Variants in AGK observed in about 807,000 individuals in gnomAD.
The protein encoded by AGK is acylglycerol kinase, mitochondrial.
In AGK, 52 loss-of-function variants were observed where a neutral mutation model predicts 66.4. The observed-to-expected ratio is 0.78, with a 90% CI of 0.63 to 0.99. AGK has a LOEUF of 0.99. Among genes scored for constraint, AGK ranks in the 50% least tolerant of loss-of-function variants. AGK has a pLI of 0.00. For synonymous variants in AGK, 182 were observed against 181.1 expected (o/e 1.00, Z -0.04); for missense variants, 451 against 506.6 (o/e 0.89, Z 1.05).
At chr7:141,623,107 C>T (rs1379238977) in intron 9 of AGK, among the ~76,000 whole-genome samples, 2 of 152,062 alleles carry the variant, frequency 1.3e-5, no homozygotes, top group Admixed American at 1.3e-4. Context: ...TGGCCTGGTG[C>T]AGTGGCTCAT....
intron 2 of AGK, among the ~76,000 whole-genome samples, chr7:141,591,493 T>C (rs1322028618): frequency 1.3e-5 from 2 of 152,162 alleles, no homozygotes; most frequent in Non-Finnish European, 2.9e-5. Context: ...GGGGTTGTTT[T>C]GCAGCCTGGC....
intron 2 of AGK, among the ~76,000 whole-genome samples, chr7:141,578,360 C>T (rs1308687319): frequency 6.6e-6 from 1 of 151,816 alleles, no homozygotes; most frequent in African/African-American, 2.4e-5. Context: ...TCAGTTAAGG[C>T]AGGGACCGGC....
intron 11 of AGK, among the ~76,000 whole-genome samples, chr7:141,640,842 C>CTG (rs1797271828): frequency 6.6e-6 from 1 of 152,090 alleles, no homozygotes; most frequent in Admixed American, 6.5e-5. Context: ...CCATTCTGGC[C>CTG]TGTGTGTGGA....
rs773841423 is a variant in AGK at position 141,553,576 on chromosome 7, C to T, written c.-14-1877C>T. On this transcript the variant is annotated intron_variant, in intron 1 of 15. Coordinates refer to ENST00000649286, the MANE Select transcript of AGK (RefSeq NM_018238.4). ...TGACAGTTGTGAGCACTTGAGAGAA[C>T]GCATGAGACCCATTCTTCTCTGCCC... 1.4e-4 allele frequency among the ~76,000 whole-genome samples: 22 copies of T among 152,246 alleles called. 1 individual carries two copies. Among genetic ancestry groups the T allele is most frequent in the Middle Eastern group, 3.4e-3 (1 of 294 alleles).
chr7:141,635,258 G>A (rs1797145867), intron 10 of AGK, among the ~76,000 whole-genome samples: 1 of 152,136 alleles, frequency 6.6e-6, no homozygotes, highest in Admixed American at 6.5e-5. Context: ...CCCTTCCACA[G>A]AGTTGCTGTT....
intron 1 of AGK, among the ~76,000 whole-genome samples, chr7:141,552,859 A>C (rs1042093856): frequency 2.6e-5 from 4 of 152,148 alleles, no homozygotes; most frequent in African/African-American, 7.2e-5. Context: ...GGCCTTGCTA[A>C]ATTCTCCCCA....
intron 9 of AGK, among the ~76,000 whole-genome samples, chr7:141,624,750 C>A (rs1045033292): frequency 2.0e-5 from 3 of 152,136 alleles, no homozygotes; most frequent in Non-Finnish European, 2.9e-5. Flanking sequence ...ATGCCGTGAA[C>A]CATGTTGAAA....
At chr7:141,647,502 G>A (rs1433563846) in intron 13 of AGK, among the ~76,000 whole-genome samples, 1 of 152,130 alleles carries the variant, frequency 6.6e-6, no homozygotes, top group East Asian at 1.9e-4. Flanking sequence ...AGTTCCCCTT[G>A]TGTGGATTGC....
At chr7:141,601,654 C>A (rs1175349410) in intron 5 of AGK, among the ~76,000 whole-genome samples, 1 of 152,106 alleles carries the variant, frequency 6.6e-6, no homozygotes. Context: ...CATTTTCTCT[C>A]TGGTAAGGAA....
chr7:141,636,986 T>C lies in AGK; in HGVS notation c.695T>C (p.Ile232Thr), dbSNP rs1797187651. 4 of 1,612,828 alleles carry C rather than the reference T, an allele frequency of 2.5e-6. No individual in the cohort carries two copies. The highest frequency in any genetic ancestry group is 2.5e-6 in the Non-Finnish European group (3 of 1,179,324). ...TACTGGTATCTTGGGCCTCTAAAAA[T>C]CAAAGCAGCCCACTTTTTCAGCACT... ...SKYWYLGPLKIKAAHFFSTLK... is the reference protein window; with the variant it reads ...SKYWYLGPLKTKAAHFFSTLK... Residue 232 changes from isoleucine (I) to threonine (T), a missense_variant, in exon 11 of 16, where the codon ATC (isoleucine) becomes ACC (threonine). By Grantham distance (89) the Ile-to-Thr change is moderately conservative. Transcript: ENST00000649286.
intron 11 of AGK, among the ~76,000 whole-genome samples, chr7:141,637,950 G>A (rs1192327617): frequency 6.6e-6 from 1 of 152,100 alleles, no homozygotes; most frequent in Non-Finnish European, 1.5e-5. Context: ...TATATACCAA[G>A]GGCAAACTGG....
intron 5 of AGK, among the ~76,000 whole-genome samples, chr7:141,602,709 T>C (rs1307642317): frequency 1.3e-5 from 2 of 152,180 alleles, no homozygotes; most frequent in African/African-American, 4.8e-5. Context: ...CATTCTACTT[T>C]TTAAAAAAAT....
intron 2 of AGK, among the ~76,000 whole-genome samples, chr7:141,585,278 T>G (rs1417902371): frequency 6.6e-6 from 1 of 152,122 alleles, no homozygotes; most frequent in Admixed American, 6.5e-5. Flanking sequence ...CATTATCTGT[T>G]TGGGTAGGGA....
intron 8 of AGK, among the ~76,000 whole-genome samples, chr7:141,616,797 A>C (rs1260311774): frequency 5.1e-5 from 7 of 136,882 alleles, no homozygotes; most frequent in Admixed American, 8.1e-5. Flanking sequence ...CTCGCTCTGT[A>C]GCCCAGGCTG....
chr7:141,625,256 C>G (rs1796911535), intron 9 of AGK, among the ~76,000 whole-genome samples: 1 of 152,146 alleles, frequency 6.6e-6, no homozygotes, highest in South Asian at 2.1e-4. Context: ...CTGCAGTGGT[C>G]AGGAACCGAA....
In AGK at chr7:141,615,509, G is replaced by A. The variant is rs1183227165; in HGVS notation, c.462G>A (p.Leu154=). 1.9e-6 allele frequency: 3 copies of A among 1,613,966 alleles called. No individual in the cohort carries two copies. The highest frequency in any genetic ancestry group is 1.3e-5 in the African/African-American group (1 of 75,026). Residue 154 remains leucine (L), a synonymous_variant, in exon 8 of 16, where the codon CTG becomes CTA. Coordinates refer to ENST00000649286, the MANE Select transcript of AGK (RefSeq NM_018238.4). ...AGATTCCCATTGGATTTATCCCACT[G>A]GGAGAGACCAGTAGTTTGAGTCATA... ...FSKIPIGFIP[L]GETSSLSHTL...
chr7:141,646,172 A>G (rs1215750391), intron 13 of AGK, among the ~76,000 whole-genome samples: 1 of 152,142 alleles, frequency 6.6e-6, no homozygotes, highest in African/African-American at 2.4e-5. Flanking sequence ...AGAGAGCCCC[A>G]TGGAGAGGAG....
chr7:141,621,525 AAAGC>A (rs1222397801), intron 8 of AGK, among the ~76,000 whole-genome samples: 1 of 152,124 alleles, frequency 6.6e-6, no homozygotes, highest in Non-Finnish European at 1.5e-5. Context: ...TCTCCTTGCC[AAAGC>A]TTTCTCTTTG....
At chr7:141,567,943 A>G (rs1315187926) in intron 2 of AGK, among the ~76,000 whole-genome samples, 1 of 152,220 alleles carries the variant, frequency 6.6e-6, no homozygotes, top group African/African-American at 2.4e-5. Context: ...ATAATATCTC[A>G]ATGGGTCACT....
Sources: gnomAD v4.1 joint callset for allele counts (sites outside exome capture counted in the v4.1 genomes callset) on GRCh38, gnomAD v4.1.1 for gene constraint, MANE v1.5 for transcripts, NCBI Gene and HGNC (gene_info 2026-07-23, HGNC 2026-07-21) for gene names.